The following NHS variants were observed in gnomAD, a reference collection of about 807,000 sequenced individuals.
The protein encoded by NHS is actin remodeling regulator NHS.
NHS carries 5 observed loss-of-function variants against 72.5 expected under a neutral mutation model. That is an observed-to-expected ratio of 0.07 (90% CI 0.04 to 0.14). The LOEUF (loss-of-function observed/expected upper bound fraction) is 0.14, where lower values mean the gene tolerates loss of function less well. Ranked by LOEUF, NHS falls within the 10% of genes least tolerant of loss-of-function variation. The pLI is 1.00. For missense variants in NHS, 1,072 were observed against 1,355.7 expected, an observed-to-expected ratio of 0.79 and a Z score of 3.29; for synonymous variants, 464 against 547.7, an observed-to-expected ratio of 0.85 and a Z score of 2.13.
intron 1 of NHS, among the ~76,000 whole-genome samples, chrX:17,452,036 A>G (rs966075348): frequency 1.8e-5 from 2 of 111,730 alleles, no homozygotes; most frequent in Non-Finnish European, 3.8e-5. Context: ...ACTATGGGAC[A>G]TTTACTGTGC....
At chrX:17,467,083 A>T (rs1302838477) in intron 1 of NHS, among the ~76,000 whole-genome samples, 1 of 111,716 alleles carries the variant, frequency 9.0e-6, no homozygotes, top group Non-Finnish European at 1.9e-5. Context: ...GTCCTCAGAC[A>T]TGGTAAGAAG....
intron 1 of NHS, among the ~76,000 whole-genome samples, chrX:17,571,248 C>A (rs367793008): frequency 2.7e-5 from 3 of 112,260 alleles, no homozygotes; most frequent in South Asian, 7.4e-4. Flanking sequence ...GGAATGGCAC[C>A]AGCTCCTCTT....
At chrX:17,430,445 CTCTT>C (rs1285647355) in intron 1 of NHS, among the ~76,000 whole-genome samples, 3 of 91,114 alleles carry the variant, frequency 3.3e-5, no homozygotes, top group East Asian at 3.3e-4. Context: ...TTCTCTCTCT[CTCTT>C]TCTTTCCTTA....
rs1466074045 is a variant in NHS, at chrX:17,506,848, T to C, written c.565+130526T>C. On this transcript the variant is annotated intron_variant, in intron 1 of 8. Coordinates refer to ENST00000676302, the MANE Select transcript of NHS (RefSeq NM_001291867.2). ...AGCTAGGTTCCAGTTGGAAAGTAGA[T>C]TTTGTTAAGTAGATGTAGCTACTTA... Among the ~76,000 whole-genome samples the C allele has an allele frequency of 8.9e-5, 10 of 111,735 alleles. No homozygotes were observed. The Admixed American group carries it at 9.5e-4, about 11-fold the overall frequency.
chrX:17,504,155 C>T (rs969671960), intron 1 of NHS, among the ~76,000 whole-genome samples: 37 of 112,224 alleles, frequency 3.3e-4, no homozygotes, highest in African/African-American at 1.1e-3. Flanking sequence ...ATTTTATTAG[C>T]ATCCCCTACA....
intron 1 of NHS, among the ~76,000 whole-genome samples, chrX:17,551,863 G>A (rs1035231717): frequency 2.7e-5 from 3 of 111,918 alleles, no homozygotes; most frequent in East Asian, 2.8e-4. Context: ...CACTGCAGCC[G>A]TTCAATGCAG....
intron 1 of NHS, among the ~76,000 whole-genome samples, chrX:17,686,474 C>T (rs922234702): frequency 8.9e-6 from 1 of 111,982 alleles, no homozygotes; most frequent in African/African-American, 3.2e-5. Flanking sequence ...CTCCCACCTT[C>T]CTGAAAAGAC....
chrX:17,500,136 GT>G (rs2065030790), intron 1 of NHS, among the ~76,000 whole-genome samples: 1 of 112,269 alleles, frequency 8.9e-6, no homozygotes, highest in South Asian at 3.7e-4. Flanking sequence ...CCACTTTGAT[GT>G]TATGTTGAGA....
intron 1 of NHS, among the ~76,000 whole-genome samples, chrX:17,482,848 T>A (rs992550188): frequency 8.9e-6 from 1 of 112,443 alleles, no homozygotes; most frequent in African/African-American, 3.2e-5. Flanking sequence ...AATTGACAAA[T>A]AATACTTGTA....
Position 17,375,691 on chromosome X carries a change from C to T in NHS, c.-67C>T. On this transcript the variant is annotated 5_prime_UTR_variant, in exon 1 of 9. Coordinates refer to ENST00000676302, the MANE Select transcript of NHS (RefSeq NM_001291867.2). ...CCTGCCCCCTCCCTGCTCAGGTGGG[C>T]GCGCCCGGTCTCCAGCTCACAGGGG... The T allele has an allele frequency of 9.0e-7, 1 of 1,114,139 alleles. No individual in the cohort carries two copies. The allele number at this position is 1,114,139 out of a possible 1,213,427, so 91.8% of individuals were successfully genotyped here.
chrX:17,599,993 T>C (rs1287600921), intron 1 of NHS, among the ~76,000 whole-genome samples: 3 of 111,518 alleles, frequency 2.7e-5, no homozygotes, highest in Non-Finnish European at 5.6e-5. Flanking sequence ...TCCTAAAGCC[T>C]GATAACCTAT....
In NHS at chrX:17,648,281, A is replaced by G. The variant is rs763418806; in HGVS notation, c.566-39461A>G. ...TAGCAGACCAAGATGGGGGTAGGGGACAACTGGGCCACCTGTACCTCATCA... is the reference window on the plus strand; with the variant it reads ...TAGCAGACCAAGATGGGGGTAGGGGGCAACTGGGCCACCTGTACCTCATCA... On this transcript the variant is annotated intron_variant, in intron 1 of 8. Transcript: ENST00000676302. 3.6e-4 allele frequency among the ~76,000 whole-genome samples: 40 copies of G among 111,714 alleles called. No homozygotes were observed. The Admixed American group carries it at 3.6e-3, about 10-fold the overall frequency.
intron 3 of NHS, among the ~76,000 whole-genome samples, chrX:17,712,719 T>C (rs2066342106): frequency 9.2e-6 from 1 of 108,961 alleles, no homozygotes. Flanking sequence ...CTAATAAGGG[T>C]GCATTTTGGG....
intron 3 of NHS, among the ~76,000 whole-genome samples, chrX:17,716,686 G>A (rs2066366021): frequency 9.0e-6 from 1 of 111,518 alleles, no homozygotes; most frequent in Non-Finnish European, 1.9e-5. Flanking sequence ...GCCCGAGGAG[G>A]AGACATTTGC....
intron 1 of NHS, among the ~76,000 whole-genome samples, chrX:17,527,885 C>T (rs1033413129): frequency 5.2e-5 from 5 of 95,424 alleles, no homozygotes; most frequent in Non-Finnish European, 8.3e-5. Flanking sequence ...CCCATAATCA[C>T]GCCGAGTCTG....
intron 1 of NHS, among the ~76,000 whole-genome samples, chrX:17,509,402 C>T (rs1393100297): frequency 1.8e-5 from 2 of 110,086 alleles, no homozygotes; most frequent in Non-Finnish European, 3.8e-5. Context: ...ATTTTTTGTA[C>T]TTTTAGTAAA....
chrX:17,687,681 G>A, intron 1 of NHS, 61 bp from the exon 2 acceptor site: 1 of 1,180,166 alleles, frequency 8.5e-7, no homozygotes, highest in Non-Finnish European at 1.1e-6. Context: ...CCCACCCCAG[G>A]GTTGGCCAAA....
chrX:17,693,878 A>T (rs1298168690), intron 3 of NHS, among the ~76,000 whole-genome samples: 1 of 112,698 alleles, frequency 8.9e-6, no homozygotes, highest in Non-Finnish European at 1.9e-5. Flanking sequence ...AAGCAGCTCA[A>T]ATCTGCTTGC....
chrX:17,648,352 G>A, intron 1 of NHS, among the ~76,000 whole-genome samples: 1 of 112,097 alleles, frequency 8.9e-6, no homozygotes, highest in East Asian at 2.8e-4. Context: ...AGTAAGCAGG[G>A]CAGGTGCCAA....
Sources: allele counts gnomAD v4.1 joint callset (sites outside exome capture counted in the v4.1 genomes callset), GRCh38; gene constraint gnomAD v4.1.1; transcripts MANE v1.5; gene names NCBI Gene and HGNC (gene_info 2026-07-23, HGNC 2026-07-21).